TRIM35: variants seen among roughly 807,000 people sequenced by gnomAD.
TRIM35 encodes the protein E3 ubiquitin-protein ligase TRIM35.
TRIM35 carries 37 observed loss-of-function variants against 49.1 expected under a neutral mutation model. The observed-to-expected ratio is 0.75, with a 90% CI of 0.58 to 0.99. The LOEUF (loss-of-function observed/expected upper bound fraction) is 0.99. Ranked by LOEUF, TRIM35 falls within the 50% of genes least tolerant of loss-of-function variation. The pLI is 0.00. For missense variants in TRIM35, 648 were observed against 702.7 expected (o/e 0.92, Z 0.88); for synonymous variants, 302 against 289.3 (o/e 1.04, Z -0.45).
chr8:27,285,513 T>C lies in TRIM35; in HGVS notation c.*2037A>G, dbSNP rs1200640072. 6.6e-6 allele frequency: 1 copy of C among 151,962 alleles called. No individual in the cohort carries two copies. Among genetic ancestry groups the C allele is most frequent in the African/African-American group, 2.4e-5 (1 of 41,362 alleles). 9.4% of individuals were successfully genotyped at this position (151,962 alleles called of 1,614,324 possible). ...AATGTAGTACTACCATTCCATACAA[T>C]GGAATATTACCCGATGAAAAAATAA... is the stretch of plus-strand genomic sequence containing the variant. On this transcript the variant is annotated 3_prime_UTR_variant, in exon 6 of 6. Transcript: ENST00000305364.
At chr8:27,290,554 C>A (rs528701546) in intron 3 of TRIM35, among the ~76,000 whole-genome samples, 1 of 152,212 alleles carries the variant, frequency 6.6e-6, no homozygotes, top group Non-Finnish European at 1.5e-5. Flanking sequence ...AGATGACCCA[C>A]ACCAAATGCC....
At chr8:27,301,116 G>A (rs1285828234) in intron 1 of TRIM35, among the ~76,000 whole-genome samples, 1 of 152,212 alleles carries the variant, frequency 6.6e-6, no homozygotes, top group African/African-American at 2.4e-5. Context: ...GATGTCAGCT[G>A]ATGAGACTAA....
intron 2 of TRIM35, among the ~76,000 whole-genome samples, chr8:27,296,947 T>C (rs1218541075): frequency 6.6e-6 from 1 of 152,226 alleles, no homozygotes; most frequent in African/African-American, 2.4e-5. Context: ...ATGCATTATC[T>C]TATCTAAATT....
At position 27,294,324 on chromosome 8, in the gene TRIM35, C is replaced by T; in HGVS notation, c.532-14G>A. Reference sequence around the variant, plus strand: ...TGCAGCCTCCACCTACGGAAGACAGCAGGAGGAGTCAGGGGTCAGATGTGG... The same window carrying T: ...TGCAGCCTCCACCTACGGAAGACAGTAGGAGGAGTCAGGGGTCAGATGTGG... On this transcript the variant is annotated splice_polypyrimidine_tract_variant and intron_variant, in intron 2 of 5. Transcript: ENST00000305364. The T allele has an allele frequency of 1.2e-6, 2 of 1,608,614 alleles. No homozygotes were observed. The highest frequency in any genetic ancestry group is 1.7e-6 in the Non-Finnish European group (2 of 1,177,640).
At chr8:27,309,191 A>G (rs1453033006) in intron 1 of TRIM35, among the ~76,000 whole-genome samples, 2 of 152,110 alleles carry the variant, frequency 1.3e-5, no homozygotes, top group Admixed American at 1.3e-4. Flanking sequence ...CCCTGACCCC[A>G]GCATCTCCTG....
At chr8:27,289,389 A>C (rs746648773) in intron 4 of TRIM35, 109 bp from the exon 5 acceptor site, 2 of 858,256 alleles carry the variant, frequency 2.3e-6, no homozygotes, top group African/African-American at 1.7e-5. Context: ...CTCAGGCCCA[A>C]GTTTCCTGGC....
intron 3 of TRIM35, among the ~76,000 whole-genome samples, chr8:27,291,521 A>T (rs1802454442): frequency 6.6e-6 from 1 of 152,254 alleles, no homozygotes; most frequent in Non-Finnish European, 1.5e-5. Flanking sequence ...ACCTAGAGTT[A>T]CCATTTGATC....
At chr8:27,290,572 T>C (rs1802432755) in intron 3 of TRIM35, among the ~76,000 whole-genome samples, 1 of 152,226 alleles carries the variant, frequency 6.6e-6, no homozygotes, top group African/African-American at 2.4e-5. Flanking sequence ...GCCAGAGCCA[T>C]CATGCTCCTG....
At chr8:27,300,473 C>T (rs1015277487) in intron 1 of TRIM35, among the ~76,000 whole-genome samples, 6 of 152,026 alleles carry the variant, frequency 3.9e-5, no homozygotes, top group African/African-American at 1.5e-4. Flanking sequence ...GCAGAGGCAC[C>T]CAGAGCTAAG....
chr8:27,294,922 A>G (rs1477977292), intron 2 of TRIM35, among the ~76,000 whole-genome samples: 1 of 152,144 alleles, frequency 6.6e-6, no homozygotes, highest in South Asian at 2.1e-4. Context: ...CCTGGGTTCA[A>G]GCAATTTTCC....
chr8:27,300,822 T>C (rs1670356048), intron 1 of TRIM35, among the ~76,000 whole-genome samples: 1 of 152,250 alleles, frequency 6.6e-6, no homozygotes, highest in Non-Finnish European at 1.5e-5. Context: ...TAGAATGAGA[T>C]TTTTGATACA....
chr8:27,309,793 G>A (rs1742595714), intron 1 of TRIM35, among the ~76,000 whole-genome samples: 1 of 151,660 alleles, frequency 6.6e-6, no homozygotes, highest in Non-Finnish European at 1.5e-5. Flanking sequence ...GACCAGCCTG[G>A]CCAACATGGT....
At chr8:27,299,035 C>T (rs1006334799) in intron 1 of TRIM35, among the ~76,000 whole-genome samples, 1 of 152,158 alleles carries the variant, frequency 6.6e-6, no homozygotes, top group Non-Finnish European at 1.5e-5. Context: ...CCAGTCATTT[C>T]CCACGGGGTT....
At chr8:27,288,248 G>A in intron 5 of TRIM35, 121 bp from the exon 6 acceptor site, 2 of 981,738 alleles carry the variant, frequency 2.0e-6, no homozygotes, top group Admixed American at 5.1e-5. Context: ...CATGCAAGGA[G>A]TGGCCCAGGG....
rs2130257757 is a variant in TRIM35, at chr8:27,289,193, G to A, written c.873C>T (p.Val291=). The A allele has an allele frequency of 6.2e-7, 1 of 1,614,088 alleles. No individual in the cohort carries two copies. Among genetic ancestry groups the A allele is most frequent in the East Asian group, 2.2e-5 (1 of 44,874 alleles). ...CCACAGATGCAAGCATCTTCTTCCA[G>A]ACGCGGTACTGCAGGGAGCCCAGGT... The part of the protein sequence containing the change: ...CKYLGSLQYR[V]WKKMLASVES... The change falls in exon 5 of 6, where the codon GTC becomes GTT. Residue 291 remains valine (V), a synonymous_variant. Coordinates refer to ENST00000305364, the MANE Select transcript of TRIM35 (RefSeq NM_171982.5).
intron 1 of TRIM35, among the ~76,000 whole-genome samples, chr8:27,299,791 T>C (rs890680122): frequency 1.3e-5 from 2 of 152,158 alleles, no homozygotes; most frequent in Admixed American, 6.5e-5. Context: ...TTTGGAGAGC[T>C]TGGGAGAGGG....
chr8:27,305,605 T>C (rs1335974955), intron 1 of TRIM35, among the ~76,000 whole-genome samples: 4 of 152,134 alleles, frequency 2.6e-5, no homozygotes, highest in Non-Finnish European at 5.9e-5. Flanking sequence ...GAGAGTACCC[T>C]TGGGTTAGAT....
chr8:27,310,951 G>C lies in TRIM35; in HGVS notation c.285C>G (p.Tyr95Ter), dbSNP rs772530568. Residue 95 changes from tyrosine to a stop codon, truncating the protein, a stop_gained, in exon 1 of 6, where the codon TAC (tyrosine) becomes TAG (stop). Transcript: ENST00000305364. LOFTEE classifies it high-confidence loss of function. The stretch of plus-strand genomic sequence containing the variant: ...GCAGGCGGCAGACACGCGAGAAGCG[G>C]TAGCTGGTCCAGCGCGCGCCCTCGG... ...EEAEGARWTS[Y>*]RFSRVCRLHR... is the part of the protein sequence containing the mutation. 6.2e-7 allele frequency: 1 copy of C among 1,612,674 alleles called. No individual in the cohort carries two copies. Among genetic ancestry groups the C allele is most frequent in the Non-Finnish European group, 8.5e-7 (1 of 1,179,732 alleles).
At position 27,286,002 on chromosome 8, in the gene TRIM35, A is replaced by C. The variant is rs915863184; in HGVS notation, c.*1548T>G. 4 of 440,904 alleles carry C rather than the reference A, an allele frequency of 9.1e-6. No individual in the cohort carries two copies. Among genetic ancestry groups the C allele is most frequent in the African/African-American group, 8.1e-5 (4 of 49,424 alleles). The allele number at this position is 440,904 out of a possible 1,614,324, so 27.3% of individuals were successfully genotyped here. A position where few individuals can be genotyped will look rare whatever the true frequency, so the allele number is the denominator to read the frequency against. ...CTTAAGTTTTATCTAACCAGTGTAC[A>C]CAACATATTTATAACCAATTAATAC... On this transcript the variant is annotated 3_prime_UTR_variant, in exon 6 of 6. Coordinates refer to ENST00000305364, the MANE Select transcript of TRIM35 (RefSeq NM_171982.5).
Sources: gnomAD v4.1 joint callset for allele counts (sites outside exome capture counted in the v4.1 genomes callset) on GRCh38, gnomAD v4.1.1 for gene constraint, MANE v1.5 for transcripts, NCBI Gene and HGNC (gene_info 2026-07-23, HGNC 2026-07-21) for gene names.